TCHP: variants seen among roughly 807,000 people sequenced by gnomAD.
TCHP encodes trichoplein keratin filament-binding protein.
TCHP carries 81 observed loss-of-function variants against 88.7 expected under a neutral mutation model. That is an observed-to-expected ratio of 0.91 (90% CI 0.76 to 1.10). TCHP has a LOEUF of 1.10. Ranked by LOEUF, TCHP falls within the 50% of genes least tolerant of loss-of-function variation. The probability of loss-of-function intolerance (pLI) is 0.00; values close to 1 mark genes in which losing one functional copy is unlikely to be tolerated. For synonymous variants in TCHP, 232 were observed against 232.5 expected (o/e 1.00, Z 0.02); for missense variants, 641 against 632.1 (o/e 1.01, Z -0.15).
Position 109,914,559 on chromosome 12 carries a change from T to G in TCHP, c.1252T>G (p.Leu418Val). 6.2e-7 allele frequency: 1 copy of G among 1,613,558 alleles called. No individual in the cohort carries two copies. The highest frequency in any genetic ancestry group is 8.5e-7 in the Non-Finnish European group (1 of 1,179,866). Residue 418 changes from leucine to valine, a missense_variant, in exon 11 of 13, where the codon TTG becomes GTG. Transcript: ENST00000405876. ...TCGAAATCTTGAGGAGGTGAGAGAG[T>G]TGGCTCGTCGCGAGAAAGAGGAGAG... ...LIRNLEEVRE[L>V]ARREKEESEK...
intron 3 of TCHP, among the ~76,000 whole-genome samples, chr12:109,904,379 G>C (rs1870006275): frequency 6.6e-6 from 1 of 152,134 alleles, no homozygotes; most frequent in South Asian, 2.1e-4. Context: ...CTTTCTTCCA[G>C]TTCTGTGGGT....
chr12:109,882,922 G>T, the TCHP span, among the ~76,000 whole-genome samples: 1 of 151,970 alleles, frequency 6.6e-6, no homozygotes, highest in Non-Finnish European at 1.5e-5. Context: ...CTCCCAAAGT[G>T]CTGGGATTAC....
At chr12:109,892,178 T>C in the TCHP span, among the ~76,000 whole-genome samples, 1 of 151,980 alleles carries the variant, frequency 6.6e-6, no homozygotes, top group Non-Finnish European at 1.5e-5. Flanking sequence ...CAGAGCAAGA[T>C]ACCATCTCAA....
At chr12:109,906,147 C>T (rs752261422) in intron 4 of TCHP, among the ~76,000 whole-genome samples, 4 of 152,226 alleles carry the variant, frequency 2.6e-5, no homozygotes, top group African/African-American at 4.8e-5. Flanking sequence ...ACAGGGAGTA[C>T]GTAGTCCATC....
chr12:109,908,790 A>G, intron 7 of TCHP, 81 bp from the exon 8 acceptor site: 2 of 1,571,148 alleles, frequency 1.3e-6, no homozygotes, highest in Non-Finnish European at 1.7e-6. Context: ...CATAAAGGAG[A>G]CAGCCTGGTC....
chr12:109,904,348 C>T (rs1870004126), intron 3 of TCHP, among the ~76,000 whole-genome samples: 1 of 152,210 alleles, frequency 6.6e-6, no homozygotes, highest in South Asian at 2.1e-4. Flanking sequence ...CCCCTTCAAT[C>T]ATTACATCTG....
chr12:109,916,603 C>T lies in TCHP; in HGVS notation c.1477C>T (p.Pro493Ser), dbSNP rs192103139. 29 of 1,613,470 alleles carry T rather than the reference C, an allele frequency of 1.8e-5. No individual in the cohort carries two copies. The East Asian group carries it at 6.5e-4, about 36-fold the overall frequency. Reference protein sequence around the residue: ...QGYRPKPYGHPKIAWN With the variant: ...QGYRPKPYGHSKIAWN ...TTTCTTTTCTCAGCCTTACGGACAT[C>T]CAAAAATTGCTTGGAACTGACTTCA... The change falls in exon 13 of 13, where the codon CCA becomes TCA. Residue 493 changes from proline to serine, a missense_variant. By Grantham distance (74) the Pro-to-Ser change is moderately conservative. Coordinates refer to ENST00000405876, the MANE Select transcript of TCHP (RefSeq NM_001143852.2).
the TCHP span, among the ~76,000 whole-genome samples, chr12:109,887,050 AC>A: frequency 6.6e-6 from 1 of 151,832 alleles, no homozygotes; most frequent in African/African-American, 2.4e-5. Context: ...TCCTAGATTC[AC>A]TCAGTTTTAT....
intron 1 of TCHP, among the ~76,000 whole-genome samples, chr12:109,902,577 G>T (rs1869865907): frequency 6.6e-6 from 1 of 151,998 alleles, no homozygotes; most frequent in Admixed American, 6.6e-5. Context: ...GGGTTCAAGT[G>T]ACTCTCCTGC....
At chr12:109,890,805 C>T in the TCHP span, among the ~76,000 whole-genome samples, 1 of 152,184 alleles carries the variant, frequency 6.6e-6, no homozygotes. Context: ...CCACCGTGCT[C>T]AGCTGACCTT....
At chr12:109,882,900 G>A in the TCHP span, among the ~76,000 whole-genome samples, 14 of 151,612 alleles carry the variant, frequency 9.2e-5, no homozygotes, top group Middle Eastern at 3.4e-3. Flanking sequence ...CTTGTGATCC[G>A]CCCGCCTCAG....
At chr12:109,904,211 A>C (rs112510387) in intron 3 of TCHP, 64 bp downstream of exon 3, 28,358 of 1,448,242 alleles carry the variant, frequency 0.02, 330 homozygotes, top group Non-Finnish European at 0.023. Flanking sequence ...AGTGTGTCGC[A>C]CATGTAGGGT....
Position 109,911,151 on chromosome 12 carries a change from C to A in TCHP, c.968C>A (p.Ala323Asp). The A allele has an allele frequency of 6.3e-7, 1 of 1,596,488 alleles. No homozygotes were observed. Among genetic ancestry groups the A allele is most frequent in the Non-Finnish European group, 8.5e-7 (1 of 1,173,630 alleles). ...LHLARREQVMADVAWMKQAIE... is the reference protein window; with the variant it reads ...LHLARREQVMDDVAWMKQAIE... ...CTGGCCAGGCGGGAGCAGGTCATGG[C>A]CGATGTGGCCTGGATGAAGCAGGCC... The change falls in exon 9 of 13, where the codon GCC becomes GAC. Residue 323 changes from alanine to aspartate, a missense_variant. Coordinates refer to ENST00000405876, the MANE Select transcript of TCHP (RefSeq NM_001143852.2).
intron 8 of TCHP, among the ~76,000 whole-genome samples, chr12:109,909,852 C>T (rs1158321576): frequency 1.3e-5 from 2 of 152,274 alleles, no homozygotes; most frequent in East Asian, 3.9e-4. Context: ...TTAATCCCAG[C>T]TACTTGGGAG....
rs1870040173 is a variant in TCHP, at chr12:109,904,876, G to A, written c.456+83G>A. The stretch of plus-strand genomic sequence containing the variant: ...ACTTTTTTTTTTGAACACGTATCTT[G>A]TACCGGGTTGAAACAGAGGAGGGAA... On this transcript the variant is annotated intron_variant, in intron 4 of 12. Transcript: ENST00000405876. 6.9e-6 allele frequency: 9 copies of A among 1,312,976 alleles called. No individual in the cohort carries two copies. The Admixed American group carries it at 1.2e-4, about 18-fold the overall frequency. The allele number at this position is 1,312,976 out of a possible 1,614,324, so 81.3% of individuals were successfully genotyped here. A position where few individuals can be genotyped will look rare whatever the true frequency, so the allele number is the denominator to read the frequency against.
chr12:109,914,896 A>G, intron 11 of TCHP: 1 of 442,440 alleles, frequency 2.3e-6, no homozygotes, highest in South Asian at 2.4e-5. Context: ...ACCGGGGGCC[A>G]TAGATCTCTC....
the TCHP span, among the ~76,000 whole-genome samples, chr12:109,892,057 C>A: frequency 2.6e-5 from 4 of 152,012 alleles, no homozygotes; most frequent in African/African-American, 9.7e-5. Context: ...CGTGGTGGCG[C>A]ATGCCTGTAG....
At chr12:109,891,390 C>CTT in the TCHP span, among the ~76,000 whole-genome samples, 5,355 of 139,496 alleles carry the variant, frequency 0.038, 261 homozygotes, top group African/African-American at 0.11. Flanking sequence ...TTAATATTTC[C>CTT]TTTTTTTTTT....
chr12:109,908,387 A>G (rs1870266295), intron 6 of TCHP, among the ~76,000 whole-genome samples, 199 bp from the exon 7 acceptor site: 1 of 152,204 alleles, frequency 6.6e-6, no homozygotes, highest in Non-Finnish European at 1.5e-5. Flanking sequence ...TTTAGAGTTC[A>G]GGGCTCAGAA....
Sources: allele counts gnomAD v4.1 joint callset (sites outside exome capture counted in the v4.1 genomes callset), GRCh38; gene constraint gnomAD v4.1.1; transcripts MANE v1.5; gene names NCBI Gene and HGNC (gene_info 2026-07-23, HGNC 2026-07-21).